The following MAGI1 variants were observed in gnomAD, a reference collection of about 807,000 sequenced individuals.
MAGI1 encodes the protein membrane associated guanylate kinase, WW and PDZ domain containing 1.
Under a neutral mutation model 139.9 loss-of-function variants are expected in MAGI1, and 58 were observed. The observed-to-expected ratio is 0.41, with a 90% confidence interval of 0.34 to 0.52. The LOEUF (loss-of-function observed/expected upper bound fraction) is 0.52. MAGI1 is among the 20% of genes least tolerant of loss of function. MAGI1 has a pLI of 0.12. For synonymous variants in MAGI1, 812 were observed against 737.9 expected (o/e 1.10, Z -1.63); for missense variants, 1,874 against 1,901.6 (o/e 0.99, Z 0.27).
chr3:65,532,965 T>G (rs1381747621), intron 2 of MAGI1: 1 of 152,270 alleles, frequency 6.6e-6, no homozygotes, highest in East Asian at 1.9e-4. Flanking sequence ...CACGTGACTC[T>G]ATGCTTTCTT....
At chr3:65,526,422 T>C (rs551505859) in intron 2 of MAGI1, among the ~76,000 whole-genome samples, 5 of 152,214 alleles carry the variant, frequency 3.3e-5, no homozygotes, top group Non-Finnish European at 7.3e-5. Context: ...CAGCTCTTAC[T>C]TGCAACGTAT....
chr3:65,688,000 C>T (rs1218265442), intron 1 of MAGI1: 31 of 828,514 alleles, frequency 3.7e-5, no homozygotes, highest in East Asian at 3.7e-4. Context: ...TTGAGGGTTT[C>T]GTTTTCCTGG....
chr3:65,732,502 C>A (rs1050401282), intron 1 of MAGI1, among the ~76,000 whole-genome samples: 1 of 152,174 alleles, frequency 6.6e-6, no homozygotes, highest in African/African-American at 2.4e-5. Context: ...TCTCTAACAT[C>A]AAGCTGCTCT....
chr3:65,530,315 T>C (rs1375162780), intron 2 of MAGI1, among the ~76,000 whole-genome samples: 17 of 151,996 alleles, frequency 1.1e-4, no homozygotes, highest in Non-Finnish European at 2.1e-4. Context: ...TCACTCCTTT[T>C]CTCCATCACA....
chr3:65,668,434 A>C (rs1052263625), intron 1 of MAGI1, among the ~76,000 whole-genome samples: 1 of 152,192 alleles, frequency 6.6e-6, no homozygotes, highest in East Asian at 1.9e-4. Flanking sequence ...TCATATTTTC[A>C]AAAAGTTTGT....
At chr3:65,583,388 AG>A (rs2081529631) in intron 2 of MAGI1, among the ~76,000 whole-genome samples, 1 of 152,208 alleles carries the variant, frequency 6.6e-6, no homozygotes, top group African/African-American at 2.4e-5. Flanking sequence ...TTACAGTGGG[AG>A]AGGGCTGCTA....
chr3:65,973,470 G>A (rs575893048), intron 1 of MAGI1, among the ~76,000 whole-genome samples: 1 of 152,264 alleles, frequency 6.6e-6, no homozygotes, highest in East Asian at 1.9e-4. Context: ...GCCAAACCAC[G>A]CTTTAAGGGC....
chr3:65,481,554 T>G (rs1951292661), intron 3 of MAGI1, among the ~76,000 whole-genome samples: 1 of 152,236 alleles, frequency 6.6e-6, no homozygotes, highest in Non-Finnish European at 1.5e-5. Flanking sequence ...ATCATGTACA[T>G]TTTCAAGTTA....
chr3:65,688,448 A>G, intron 1 of MAGI1: 1 of 486,350 alleles, frequency 2.1e-6, no homozygotes, highest in South Asian at 1.8e-5. Context: ...GGAAGAAGAA[A>G]GCATGGAAAC....
intron 1 of MAGI1, among the ~76,000 whole-genome samples, chr3:65,772,187 C>A (rs1202366212): frequency 1.3e-5 from 2 of 152,088 alleles, no homozygotes; most frequent in Non-Finnish European, 2.9e-5. Flanking sequence ...CAGAGCAAGA[C>A]TCCGTCTCAA....
intron 10 of MAGI1, 135 bp downstream of exon 10, chr3:65,437,020 T>C (rs1323500489): frequency 2.6e-5 from 13 of 505,112 alleles, no homozygotes; most frequent in Middle Eastern, 3.3e-4. Flanking sequence ...ACATTTATCA[T>C]TGTTTTCATT....
chr3:66,010,961 C>A (rs2067292423), intron 1 of MAGI1, among the ~76,000 whole-genome samples: 1 of 152,152 alleles, frequency 6.6e-6, no homozygotes, highest in South Asian at 2.1e-4. Flanking sequence ...TCAGAGGAAG[C>A]CAAGTGTTAC....
chr3:65,903,975 T>C (rs1334403731), intron 1 of MAGI1, among the ~76,000 whole-genome samples: 1 of 151,706 alleles, frequency 6.6e-6, no homozygotes, highest in Non-Finnish European at 1.5e-5. Flanking sequence ...GCCACTGCAT[T>C]CCAGCCTGGG....
intron 1 of MAGI1, among the ~76,000 whole-genome samples, chr3:65,632,447 T>C (rs2084367070): frequency 6.6e-6 from 1 of 152,172 alleles, no homozygotes; most frequent in Admixed American, 6.5e-5. Context: ...TGAGAAATAA[T>C]GAATGACTGC....
intron 1 of MAGI1, among the ~76,000 whole-genome samples, chr3:65,963,615 C>CTAAA (rs200749979): frequency 7.9e-5 from 12 of 152,136 alleles, no homozygotes; most frequent in East Asian, 7.7e-4. Flanking sequence ...GACTCAGTCT[C>CTAAA]TAAATAAATA....
chr3:65,845,757 C>G (rs929101750), intron 1 of MAGI1, among the ~76,000 whole-genome samples: 1 of 152,192 alleles, frequency 6.6e-6, no homozygotes, highest in African/African-American at 2.4e-5. Flanking sequence ...TCCAGCCACA[C>G]CTGTCTCGAC....
chr3:65,715,036 T>TG (rs71633184), intron 1 of MAGI1, among the ~76,000 whole-genome samples: 2 of 146,324 alleles, frequency 1.4e-5, no homozygotes, highest in African/African-American at 2.6e-5. Flanking sequence ...GTAGAGATGG[T>TG]GGGGGGTGGG....
intron 10 of MAGI1, among the ~76,000 whole-genome samples, chr3:65,431,950 G>A (rs1947489505): frequency 3.3e-5 from 5 of 152,000 alleles, no homozygotes; most frequent in African/African-American, 7.3e-5. Context: ...CTGAGATTGC[G>A]CCATTGCACT....
At chr3:65,514,048 G>A (rs2077734442) in intron 2 of MAGI1, among the ~76,000 whole-genome samples, 1 of 133,572 alleles carries the variant, frequency 7.5e-6, no homozygotes, top group Non-Finnish European at 1.6e-5. Flanking sequence ...AGAAAAACAA[G>A]CAATGGGGAA....
Sources: allele counts gnomAD v4.1 joint callset (sites outside exome capture counted in the v4.1 genomes callset), GRCh38; gene constraint gnomAD v4.1.1; transcripts MANE v1.5; gene names NCBI Gene and HGNC (gene_info 2026-07-23, HGNC 2026-07-21).